The following GRM1 variants were observed in gnomAD, a reference collection of about 807,000 sequenced individuals.
GRM1 encodes the protein glutamate metabotropic receptor 1.
GRM1 carries 33 observed loss-of-function variants against 90.9 expected under a neutral mutation model. That is an observed-to-expected ratio of 0.36 (90% CI 0.28 to 0.49). The LOEUF is 0.49. Among genes scored for constraint, GRM1 ranks in the 20% least tolerant of loss-of-function variants. The pLI, the probability that GRM1 is intolerant of heterozygous loss-of-function variation, is 0.99. For missense variants in GRM1, 1,190 were observed against 1,534.3 expected (o/e 0.78, Z 3.75); for synonymous variants, 700 against 613.2 (o/e 1.14, Z -2.09).
chr6:146,227,337 AAG>A, intron 2 of GRM1, among the ~76,000 whole-genome samples: 1 of 152,184 alleles, frequency 6.6e-6, no homozygotes, highest in East Asian at 1.9e-4. Context: ...TCATCACCTT[AAG>A]TCTGTAATTT....
chr6:146,292,554 A>C (rs544577092), intron 2 of GRM1, among the ~76,000 whole-genome samples: 46 of 152,096 alleles, frequency 3.0e-4, no homozygotes, highest in African/African-American at 1.1e-3. Context: ...AATGGTAATC[A>C]AAATCACAAT....
At chr6:146,336,559 G>GGCA (rs1275009741) in intron 3 of GRM1, among the ~76,000 whole-genome samples, 3 of 152,172 alleles carry the variant, frequency 2.0e-5, no homozygotes, top group African/African-American at 7.2e-5. Context: ...CACAGAAGAT[G>GGCA]GCAGCTGTGG....
intron 3 of GRM1, among the ~76,000 whole-genome samples, chr6:146,335,303 C>T (rs145308844): frequency 1.3e-3 from 193 of 152,232 alleles, no homozygotes; most frequent in Non-Finnish European, 2.3e-3. Flanking sequence ...AAGTACCTAA[C>T]GCATTGTTTC....
At chr6:146,371,862 T>C (rs1562646683) in intron 5 of GRM1, among the ~76,000 whole-genome samples, 1 of 152,144 alleles carries the variant, frequency 6.6e-6, no homozygotes, top group South Asian at 2.1e-4. Context: ...TAAATTCACC[T>C]GTTGATGAAC....
At chr6:146,295,542 T>C (rs1195320992) in intron 2 of GRM1, among the ~76,000 whole-genome samples, 2 of 152,276 alleles carry the variant, frequency 1.3e-5, no homozygotes, top group East Asian at 3.9e-4. Context: ...TATCCATTTC[T>C]TTTAACTATT....
intron 2 of GRM1, among the ~76,000 whole-genome samples, chr6:146,176,610 A>C (rs2114528850): frequency 6.6e-6 from 1 of 152,210 alleles, no homozygotes; most frequent in Middle Eastern, 3.4e-3. Context: ...TCAACAGCTC[A>C]AAATATTTGA....
chr6:146,040,420 G>T (rs1177875692), intron 1 of GRM1, among the ~76,000 whole-genome samples: 1 of 151,986 alleles, frequency 6.6e-6, no homozygotes, highest in African/African-American at 2.4e-5. Context: ...TCAGATTGAA[G>T]AACTCCCTTT....
At chr6:146,180,053 G>A (rs1481890240) in intron 2 of GRM1, among the ~76,000 whole-genome samples, 1 of 151,990 alleles carries the variant, frequency 6.6e-6, no homozygotes, top group African/African-American at 2.4e-5. Context: ...GGAAGCTGAG[G>A]AGATTTGCTT....
chr6:146,126,641 T>C (rs1322638152), intron 1 of GRM1, among the ~76,000 whole-genome samples: 1 of 152,162 alleles, frequency 6.6e-6, no homozygotes, highest in African/African-American at 2.4e-5. Flanking sequence ...CATATCATTG[T>C]AATTTTAATC....
Position 146,434,271 on chromosome 6 carries a change from G to A in GRM1, c.3060G>A (p.Gln1020=). Residue 1020 remains glutamine (Q), a synonymous_variant, in exon 8 of 8, where the codon CAG becomes CAA. Transcript: ENST00000282753. ...GCTTGCCCCCTCCTCTCCAGCAGCA[G>A]CAGCAACCCCCTCCACAGCAGAAAT... ...PKGLPPPLQQ[Q]QQPPPQQKSL... is the part of the protein sequence containing the mutation. 6.2e-7 allele frequency: 1 copy of A among 1,600,258 alleles called. No individual in the cohort carries two copies. The highest frequency in any genetic ancestry group is 8.5e-7 in the Non-Finnish European group (1 of 1,171,430).
chr6:146,188,446 C>T (rs1778817513), intron 2 of GRM1, among the ~76,000 whole-genome samples: 1 of 152,142 alleles, frequency 6.6e-6, no homozygotes, highest in East Asian at 1.9e-4. Flanking sequence ...ACCTCAGTTG[C>T]CACAGGCATC....
At chr6:146,142,215 A>T (rs552071463) in intron 1 of GRM1, among the ~76,000 whole-genome samples, 1 of 152,302 alleles carries the variant, frequency 6.6e-6, no homozygotes, top group East Asian at 1.9e-4. Flanking sequence ...GATTACCGGT[A>T]AGAAACCCTT....
chr6:146,061,299 C>A (rs1245340101), intron 1 of GRM1, among the ~76,000 whole-genome samples: 1 of 152,088 alleles, frequency 6.6e-6, no homozygotes, highest in African/African-American at 2.4e-5. Context: ...TGAGCACATA[C>A]TGTTGGAAAA....
At chr6:146,267,707 T>A in intron 2 of GRM1, among the ~76,000 whole-genome samples, 1 of 70,398 alleles carries the variant, frequency 1.4e-5, no homozygotes, top group Non-Finnish European at 3.7e-5. Context: ...GCTCGGCTCG[T>A]CTCGTCTCGT....
chr6:146,315,353 C>T (rs755989672), intron 3 of GRM1, among the ~76,000 whole-genome samples: 1 of 152,104 alleles, frequency 6.6e-6, no homozygotes, highest in Non-Finnish European at 1.5e-5. Flanking sequence ...TGGCACTGCA[C>T]TCCAGCCTGG....
chr6:146,271,422 G>C (rs1395939558), intron 2 of GRM1, among the ~76,000 whole-genome samples: 1 of 152,142 alleles, frequency 6.6e-6, no homozygotes, highest in Non-Finnish European at 1.5e-5. Context: ...TATGGCTCAG[G>C]AAAGAGACTT....
At chr6:146,259,628 G>A (rs2876647) in intron 2 of GRM1, among the ~76,000 whole-genome samples, 31,715 of 151,978 alleles carry the variant, frequency 0.21, 7,320 homozygotes, top group African/African-American at 0.58. Context: ...TCAGATGGTA[G>A]AGTTTCTTCT....
intron 5 of GRM1, among the ~76,000 whole-genome samples, chr6:146,368,792 T>C (rs752431980): frequency 6.6e-6 from 1 of 152,090 alleles, no homozygotes; most frequent in Non-Finnish European, 1.5e-5. Context: ...TTATCAGGGA[T>C]ATTGGCTTGT....
intron 2 of GRM1, among the ~76,000 whole-genome samples, chr6:146,182,014 A>T (rs1778568717): frequency 1.3e-5 from 2 of 152,180 alleles, no homozygotes; most frequent in Non-Finnish European, 2.9e-5. Flanking sequence ...TTTTATTAAT[A>T]AAAAAGTTGT....
Sources: allele counts gnomAD v4.1 joint callset (sites outside exome capture counted in the v4.1 genomes callset), GRCh38; gene constraint gnomAD v4.1.1; transcripts MANE v1.5; gene names NCBI Gene and HGNC (gene_info 2026-07-23, HGNC 2026-07-21).